The following NAV3 variants were observed in gnomAD, a reference collection of about 807,000 sequenced individuals.
The protein encoded by NAV3 is neuron navigator 3.
NAV3 carries 87 observed loss-of-function variants against 244.7 expected under a neutral mutation model. That is an observed-to-expected ratio of 0.36 (90% confidence interval 0.30 to 0.42). The LOEUF is 0.42. Ranked by LOEUF, NAV3 falls within the 20% of genes least tolerant of loss-of-function variation. The pLI is 1.00. For synonymous variants in NAV3, 1,126 were observed against 1,042.2 expected (o/e 1.08, Z -1.55); for missense variants, 2,663 against 2,893.3 (o/e 0.92, Z 1.83).
intron 24 of NAV3, among the ~76,000 whole-genome samples, chr12:78,173,615 A>T (rs1958096684): frequency 6.6e-6 from 1 of 151,616 alleles, no homozygotes; most frequent in South Asian, 2.1e-4. Flanking sequence ...TTTATTGTTG[A>T]ATTAAAACCT....
At chr12:78,133,560 A>T (rs1208325294) in intron 18 of NAV3, among the ~76,000 whole-genome samples, 1 of 151,770 alleles carries the variant, frequency 6.6e-6, no homozygotes, top group East Asian at 1.9e-4. Flanking sequence ...CTTTCTACCA[A>T]TTAAAATGTG....
rs1422085253 is a variant in NAV3, at chr12:77,831,401, T to A, written c.-61T>A. The A allele has an allele frequency of 6.8e-7, 1 of 1,468,154 alleles. No homozygotes were observed. Among genetic ancestry groups the A allele is most frequent in the Non-Finnish European group, 9.0e-7 (1 of 1,105,666 alleles). The allele number at this position is 1,468,154 out of a possible 1,614,324, so 90.9% of individuals were successfully genotyped here. ...TGTTCTGGAAATACTAAAGTTGGAG[T>A]CTACCAGACTGAGGTTAGAAGCATT... On this transcript the variant is annotated 5_prime_UTR_variant, in exon 1 of 40. Coordinates refer to ENST00000397909, the MANE Select transcript of NAV3 (RefSeq NM_001024383.2).
chr12:78,100,880 T>A (rs1845235610), intron 12 of NAV3, among the ~76,000 whole-genome samples: 1 of 152,156 alleles, frequency 6.6e-6, no homozygotes, highest in Non-Finnish European at 1.5e-5. Flanking sequence ...ATATTTCTTA[T>A]TTGTCTTTAT....
intron 2 of NAV3, among the ~76,000 whole-genome samples, chr12:77,664,389 A>G (rs2137050062): frequency 6.6e-6 from 1 of 152,314 alleles, no homozygotes; most frequent in Admixed American, 6.5e-5. Flanking sequence ...AGTTGGCTAA[A>G]TATTCAATAG....
chr12:78,071,855 CA>C (rs1165972096), intron 12 of NAV3, among the ~76,000 whole-genome samples: 1 of 152,158 alleles, frequency 6.6e-6, no homozygotes, highest in Non-Finnish European at 1.5e-5. Flanking sequence ...ACAGTTCAAT[CA>C]AACTAGAACT....
intron 2 of NAV3, among the ~76,000 whole-genome samples, chr12:77,770,658 A>G (rs1017578166): frequency 1.3e-5 from 2 of 152,200 alleles, no homozygotes; most frequent in Non-Finnish European, 2.9e-5. Context: ...CCCTGCTTTT[A>G]TATGAAGTCT....
chr12:77,695,095 C>A (rs1478919518), intron 2 of NAV3, among the ~76,000 whole-genome samples: 1 of 152,156 alleles, frequency 6.6e-6, no homozygotes, highest in Non-Finnish European at 1.5e-5. Context: ...TAATCTCATT[C>A]TGTGGGTTGT....
intron 23 of NAV3, among the ~76,000 whole-genome samples, chr12:78,166,956 A>G (rs1304999907): frequency 2.6e-5 from 4 of 151,788 alleles, no homozygotes; most frequent in South Asian, 4.1e-4. Context: ...CCTGATTTTA[A>G]TTAGAATTTA....
chr12:77,820,605 A>T (rs1418876210), intron 2 of NAV3, among the ~76,000 whole-genome samples: 1 of 152,146 alleles, frequency 6.6e-6, no homozygotes, highest in Non-Finnish European at 1.5e-5. Context: ...TCTGACAGAG[A>T]GATGTGGTTT....
chr12:78,158,708 T>C (rs1483029541), intron 22 of NAV3, among the ~76,000 whole-genome samples: 1 of 140,796 alleles, frequency 7.1e-6, no homozygotes, highest in Non-Finnish European at 1.7e-5. Context: ...GATAATGTTC[T>C]AGCTGTCAGC....
At chr12:77,787,732 C>G (rs576053351) in intron 2 of NAV3, among the ~76,000 whole-genome samples, 1 of 152,292 alleles carries the variant, frequency 6.6e-6, no homozygotes, top group African/African-American at 2.4e-5. Context: ...GATGGGGACA[C>G]AGCCAAACCA....
intron 12 of NAV3, among the ~76,000 whole-genome samples, chr12:78,101,762 A>G (rs974087702): frequency 3.9e-5 from 6 of 152,176 alleles, no homozygotes; most frequent in Admixed American, 3.9e-4. Flanking sequence ...AAGAGGTATG[A>G]TGTAGGGCTA....
chr12:77,866,856 T>C (rs1243395814), intron 1 of NAV3, among the ~76,000 whole-genome samples: 1 of 152,184 alleles, frequency 6.6e-6, no homozygotes, highest in Non-Finnish European at 1.5e-5. Context: ...TGAAAATAAA[T>C]TTTTGAAAAC....
At chr12:78,050,143 A>C in intron 10 of NAV3, 42 bp downstream of exon 10, 1 of 1,342,142 alleles carries the variant, frequency 7.5e-7, no homozygotes, top group South Asian at 1.3e-5. Context: ...ATAAAGAAAA[A>C]ATAATTACAA....
intron 30 of NAV3, 59 bp downstream of exon 30, chr12:78,181,104 A>T (rs2139742724): frequency 6.6e-7 from 1 of 1,522,820 alleles, no homozygotes; most frequent in Non-Finnish European, 9.0e-7. Flanking sequence ...ACGGGTGGGA[A>T]GCCTGGAATT....
chr12:77,599,773 T>G (rs1386135444), intron 2 of NAV3, among the ~76,000 whole-genome samples: 1 of 151,956 alleles, frequency 6.6e-6, no homozygotes, highest in Non-Finnish European at 1.5e-5. Flanking sequence ...AAATCAGGTT[T>G]TCTTCTATTA....
At chr12:77,811,611 T>C (rs925194441) in intron 2 of NAV3, among the ~76,000 whole-genome samples, 3 of 152,220 alleles carry the variant, frequency 2.0e-5, no homozygotes, top group Non-Finnish European at 4.4e-5. Flanking sequence ...GCACAACACA[T>C]AGTGAGTGTT....
At chr12:77,595,330 G>A (rs1186444510) in intron 2 of NAV3, among the ~76,000 whole-genome samples, 1 of 152,094 alleles carries the variant, frequency 6.6e-6, no homozygotes, top group Non-Finnish European at 1.5e-5. Context: ...CATATATGTG[G>A]AATCTTATAA....
intron 2 of NAV3, among the ~76,000 whole-genome samples, chr12:77,668,539 G>A (rs922910492): frequency 6.6e-6 from 1 of 152,006 alleles, no homozygotes; most frequent in Non-Finnish European, 1.5e-5. Context: ...AAAGAACTTT[G>A]GAGCTCAAAG....
Sources: allele counts gnomAD v4.1 joint callset (sites outside exome capture counted in the v4.1 genomes callset), GRCh38; gene constraint gnomAD v4.1.1; transcripts MANE v1.5; gene names NCBI Gene and HGNC (gene_info 2026-07-23, HGNC 2026-07-21).